Variants in CSMD1 observed in about 807,000 individuals in gnomAD.
CSMD1 encodes CUB and Sushi multiple domains 1, also known as CUB and sushi domain-containing protein 1.
In CSMD1, 213 loss-of-function variants were observed where a neutral mutation model predicts 417.5. The ratio of observed to expected loss-of-function variants is 0.51; its 90% CI spans 0.46 to 0.57. CSMD1 has a LOEUF of 0.57. CSMD1 is among the 20% of genes least tolerant of loss of function. The pLI, the probability that CSMD1 is intolerant of heterozygous loss-of-function variation, is 0.00. For missense variants in CSMD1, 6,923 were observed against 4,529.7 expected, an observed-to-expected ratio of 1.53 and a Z score of -15.17; for synonymous variants, 2,862 against 1,736.8, an observed-to-expected ratio of 1.65 and a Z score of -16.11.
chr8:3,513,171 C>G (rs1001832362), intron 10 of CSMD1, among the ~76,000 whole-genome samples: 1 of 151,574 alleles, frequency 6.6e-6, no homozygotes, highest in Non-Finnish European at 1.5e-5. Flanking sequence ...AATGCCTAGA[C>G]TTTACTCTGG....
At chr8:4,244,394 T>C (rs971939137) in intron 3 of CSMD1, among the ~76,000 whole-genome samples, 44 of 152,324 alleles carry the variant, frequency 2.9e-4, no homozygotes, top group African/African-American at 8.2e-4. Flanking sequence ...TTTATGTTAA[T>C]AGATCTTCAT....
chr8:4,660,472 C>T (rs537623076), intron 1 of CSMD1, among the ~76,000 whole-genome samples: 1 of 152,146 alleles, frequency 6.6e-6, no homozygotes, highest in Non-Finnish European at 1.5e-5. Context: ...AGGTTTATTG[C>T]AATTCCATTA....
At chr8:3,814,799 G>A (rs912189327) in intron 5 of CSMD1, among the ~76,000 whole-genome samples, 6 of 152,118 alleles carry the variant, frequency 3.9e-5, no homozygotes, top group South Asian at 2.1e-4. Context: ...TATTCGTCAC[G>A]GTGTGATTAT....
chr8:4,423,044 A>G (rs1323002613), intron 2 of CSMD1, among the ~76,000 whole-genome samples: 1 of 152,046 alleles, frequency 6.6e-6, no homozygotes, highest in Non-Finnish European at 1.5e-5. Context: ...GACAAAGAAT[A>G]TCTCTACAAA....
chr8:3,661,132 G>A (rs886425465), intron 7 of CSMD1, among the ~76,000 whole-genome samples: 1 of 152,184 alleles, frequency 6.6e-6, no homozygotes, highest in African/African-American at 2.4e-5. Flanking sequence ...TATAGCCTGA[G>A]GAGAACTCCG....
intron 3 of CSMD1, among the ~76,000 whole-genome samples, chr8:4,154,643 GGAA>G (rs1796737261): frequency 2.6e-5 from 4 of 152,102 alleles, no homozygotes; most frequent in Non-Finnish European, 2.9e-5. Context: ...TTTTAAAAAA[GGAA>G]TTGTATTCTA....
At chr8:4,787,525 A>C in intron 1 of CSMD1, 2 of 1,143,998 alleles carry the variant, frequency 1.7e-6, no homozygotes, top group Non-Finnish European at 2.6e-6. Context: ...TATAGGAAGC[A>C]GGTATTAAAA....
At chr8:3,473,591 T>A (rs1817233353) in intron 11 of CSMD1, among the ~76,000 whole-genome samples, 1 of 152,170 alleles carries the variant, frequency 6.6e-6, no homozygotes, top group Non-Finnish European at 1.5e-5. Flanking sequence ...TGGTTATCTG[T>A]TTGAAACAGG....
At chr8:4,053,810 A>C (rs1156532106) in intron 3 of CSMD1, among the ~76,000 whole-genome samples, 1 of 152,116 alleles carries the variant, frequency 6.6e-6, no homozygotes, top group Non-Finnish European at 1.5e-5. Context: ...AAATGCCTAA[A>C]GCTTTACAAA....
chr8:3,103,751 A>AAG, intron 46 of CSMD1, among the ~76,000 whole-genome samples: 1 of 151,142 alleles, frequency 6.6e-6, no homozygotes, highest in South Asian at 2.1e-4. Context: ...TTTTTTTTTA[A>AAG]AAAAAAAAAA....
At chr8:4,657,355 T>G (rs79613268) in intron 1 of CSMD1, among the ~76,000 whole-genome samples, 5,102 of 152,226 alleles carry the variant, frequency 0.034, 126 homozygotes, top group East Asian at 0.12. Flanking sequence ...ATTTTCATTT[T>G]TGTTTTGTAT....
At chr8:3,465,805 T>C (rs1055509649) in intron 12 of CSMD1, among the ~76,000 whole-genome samples, 2 of 152,140 alleles carry the variant, frequency 1.3e-5, no homozygotes, top group Non-Finnish European at 2.9e-5. Context: ...TGATGTGGCA[T>C]TTCTTGCATA....
chr8:4,189,802 A>T (rs886117902), intron 3 of CSMD1, among the ~76,000 whole-genome samples: 3 of 152,192 alleles, frequency 2.0e-5, no homozygotes, highest in African/African-American at 7.2e-5. Context: ...TCTTGTTGCC[A>T]TATATTAAGG....
At chr8:4,330,148 T>C (rs895653511) in intron 3 of CSMD1, among the ~76,000 whole-genome samples, 10 of 151,606 alleles carry the variant, frequency 6.6e-5, no homozygotes, top group Non-Finnish European at 1.0e-4. Context: ...ATGAGTAGTA[T>C]CCCAACAAAT....
At chr8:3,192,082 G>C (rs920464317) in intron 33 of CSMD1, among the ~76,000 whole-genome samples, 1 of 152,140 alleles carries the variant, frequency 6.6e-6, no homozygotes, top group East Asian at 1.9e-4. Flanking sequence ...CCATGAAAAC[G>C]GAAATTGGCA....
intron 3 of CSMD1, among the ~76,000 whole-genome samples, chr8:4,348,609 T>C (rs971101546): frequency 1.2e-4 from 1 of 8,078 alleles, no homozygotes; most frequent in Non-Finnish European, 2.6e-4. Context: ...GTGGGTGTGT[T>C]GGGGGTGGGG....
intron 5 of CSMD1, among the ~76,000 whole-genome samples, chr8:3,940,198 T>G (rs1288094162): frequency 3.9e-5 from 6 of 151,928 alleles, no homozygotes; most frequent in African/African-American, 1.5e-4. Context: ...CTTATTATTT[T>G]TGAAAAAGTT....
intron 3 of CSMD1, among the ~76,000 whole-genome samples, chr8:4,100,722 C>G (rs1801262293): frequency 1.3e-5 from 2 of 152,088 alleles, no homozygotes; most frequent in African/African-American, 4.8e-5. Flanking sequence ...CATAAACTTC[C>G]ACACTGCTGT....
chr8:4,007,900 G>A (rs1417329498), intron 4 of CSMD1, among the ~76,000 whole-genome samples: 2 of 151,238 alleles, frequency 1.3e-5, no homozygotes, highest in African/African-American at 2.5e-5. Context: ...AAGAATGAGT[G>A]TTAAAAAAAA....
Sources: allele counts gnomAD v4.1 joint callset (sites outside exome capture counted in the v4.1 genomes callset), GRCh38; gene constraint gnomAD v4.1.1; transcripts MANE v1.5; gene names NCBI Gene and HGNC (gene_info 2026-07-23, HGNC 2026-07-21).